Variants in STPG2 observed in about 807,000 individuals in gnomAD.
STPG2 encodes the protein sperm-tail PG-rich repeat-containing protein 2.
Under a neutral mutation model 54.2 loss-of-function variants are expected in STPG2, and 56 were observed. The observed-to-expected ratio is 1.03, with a 90% CI of 0.83 to 1.29. The LOEUF is 1.29. STPG2 is among the 50% of genes most tolerant of loss of function. The probability of loss-of-function intolerance (pLI) is 0.00; values close to 1 mark genes in which losing one functional copy is unlikely to be tolerated. For synonymous variants in STPG2, 200 were observed against 181.8 expected, an observed-to-expected ratio of 1.10 and a Z score of -0.81; for missense variants, 596 against 544.9, an observed-to-expected ratio of 1.09 and a Z score of -0.93.
At chr4:97,917,355 C>A (rs1460451252) in intron 8 of STPG2, 1 of 152,206 alleles carries the variant, frequency 6.6e-6, no homozygotes, top group African/African-American at 2.4e-5. Context: ...CTCTCTCCTG[C>A]AGAGCAACGA....
At chr4:98,114,420 ATTT>A (rs1214997955) in intron 3 of STPG2, among the ~76,000 whole-genome samples, 2 of 152,090 alleles carry the variant, frequency 1.3e-5, no homozygotes, top group Non-Finnish European at 2.9e-5. Context: ...CATTGTATAT[ATTT>A]CACACAAGAA....
At chr4:98,008,936 T>C (rs1285942008) in intron 5 of STPG2, among the ~76,000 whole-genome samples, 1 of 152,146 alleles carries the variant, frequency 6.6e-6, no homozygotes, top group Non-Finnish European at 1.5e-5. Flanking sequence ...TATACAACTG[T>C]TCACAATAGT....
intron 7 of STPG2, among the ~76,000 whole-genome samples, chr4:97,946,082 G>A (rs74577386): frequency 0.017 from 2,568 of 151,962 alleles, 85 homozygotes; most frequent in African/African-American, 0.059. Context: ...TAGAAATAAA[G>A]GCCATTCTTG....
chr4:97,581,944 C>A (rs139576870), intron 10 of STPG2, among the ~76,000 whole-genome samples: 3 of 151,724 alleles, frequency 2.0e-5, no homozygotes, highest in Non-Finnish European at 4.4e-5. Flanking sequence ...TTTCCAGTGT[C>A]CACAATGGGA....
intron 4 of STPG2, among the ~76,000 whole-genome samples, chr4:97,493,162 T>C (rs1236352132): frequency 3.3e-5 from 5 of 150,186 alleles, no homozygotes; most frequent in Non-Finnish European, 7.4e-5. Context: ...GAGTAAAACG[T>C]CGGTTATTAC....
At chr4:97,710,049 T>C (rs2149005457) in intron 10 of STPG2, among the ~76,000 whole-genome samples, 1 of 152,088 alleles carries the variant, frequency 6.6e-6, no homozygotes, top group East Asian at 1.9e-4. Flanking sequence ...CATAATGTAA[T>C]ATTGAGAGTT....
At chr4:97,698,224 T>C (rs879772981) in intron 10 of STPG2, among the ~76,000 whole-genome samples, 2 of 152,170 alleles carry the variant, frequency 1.3e-5, no homozygotes, top group Non-Finnish European at 2.9e-5. Flanking sequence ...CCATTTGTAT[T>C]TCTGCCTGGA....
chr4:97,597,000 A>G (rs781757030), intron 10 of STPG2, among the ~76,000 whole-genome samples: 3 of 152,116 alleles, frequency 2.0e-5, no homozygotes, highest in Non-Finnish European at 4.4e-5. Context: ...AAGAATAAAT[A>G]AAATGGACAG....
intron 7 of STPG2, among the ~76,000 whole-genome samples, chr4:97,966,675 TC>T (rs1193177547): frequency 6.6e-6 from 1 of 152,168 alleles, no homozygotes; most frequent in African/African-American, 2.4e-5. Context: ...AGCGGATCTC[TC>T]AGCAGAAACC....
intron 10 of STPG2, among the ~76,000 whole-genome samples, chr4:97,691,331 G>A (rs561262554): frequency 6.6e-6 from 1 of 152,114 alleles, no homozygotes; most frequent in African/African-American, 2.4e-5. Context: ...CTGTTGTGGG[G>A]GCATGATGAA....
At chr4:97,978,477 TAGAG>T (rs1734565971) in intron 6 of STPG2, among the ~76,000 whole-genome samples, 1 of 151,776 alleles carries the variant, frequency 6.6e-6, no homozygotes, top group Non-Finnish European at 1.5e-5. Flanking sequence ...AATGGACACA[TAGAG>T]AGGAACCACA....
At chr4:97,656,536 T>A (rs1000993026) in intron 10 of STPG2, among the ~76,000 whole-genome samples, 8 of 152,036 alleles carry the variant, frequency 5.3e-5, no homozygotes, top group African/African-American at 1.9e-4. Flanking sequence ...AGCATTCCCC[T>A]TCTTGCTTCT....
At chr4:97,583,235 A>T (rs1437617305) in intron 10 of STPG2, among the ~76,000 whole-genome samples, 1 of 151,966 alleles carries the variant, frequency 6.6e-6, no homozygotes, top group Non-Finnish European at 1.5e-5. Flanking sequence ...CCACCCCATT[A>T]TCAACTACAA....
intron 4 of STPG2, among the ~76,000 whole-genome samples, chr4:97,482,043 C>A (rs536861933): frequency 1.3e-5 from 2 of 151,424 alleles, no homozygotes; most frequent in Non-Finnish European, 3.0e-5. Flanking sequence ...TAATTTTTAT[C>A]ATAAGTGTAT....
intron 3 of STPG2, among the ~76,000 whole-genome samples, chr4:98,119,799 C>T (rs1017102125): frequency 6.6e-6 from 1 of 152,048 alleles, no homozygotes; most frequent in Admixed American, 6.6e-5. Flanking sequence ...CCCATGTGCT[C>T]TCATCATTTA....
intron 8 of STPG2, among the ~76,000 whole-genome samples, chr4:97,852,803 G>A (rs1034879813): frequency 4.6e-5 from 7 of 151,852 alleles, no homozygotes; most frequent in African/African-American, 1.5e-4. Flanking sequence ...TCTAGACAGA[G>A]ACATATAGAT....
intron 4 of STPG2, among the ~76,000 whole-genome samples, chr4:98,108,317 C>A (rs1266976480): frequency 6.6e-6 from 1 of 152,024 alleles, no homozygotes; most frequent in Non-Finnish European, 1.5e-5. Context: ...AAGAATCAGG[C>A]AGATAAGCTG....
intron 10 of STPG2, among the ~76,000 whole-genome samples, chr4:97,639,609 T>C (rs902753610): frequency 2.6e-5 from 4 of 151,876 alleles, no homozygotes; most frequent in Admixed American, 2.0e-4. Flanking sequence ...AAACAAAGCA[T>C]AGCTACATAT....
chr4:98,062,931 G>T (rs1737710065), intron 5 of STPG2, among the ~76,000 whole-genome samples: 1 of 151,718 alleles, frequency 6.6e-6, no homozygotes, highest in African/African-American at 2.4e-5. Context: ...AAAATTTGTT[G>T]TAAAGACTAG....
Sources: gnomAD v4.1 joint callset for allele counts (sites outside exome capture counted in the v4.1 genomes callset) on GRCh38, gnomAD v4.1.1 for gene constraint, MANE v1.5 for transcripts, NCBI Gene and HGNC (gene_info 2026-07-23, HGNC 2026-07-21) for gene names.